Variants in RGS8 observed in about 807,000 individuals in gnomAD.
The protein encoded by RGS8 is regulator of G-protein signaling 8.
In RGS8, 8 loss-of-function variants were observed where a neutral mutation model predicts 21.7. That is an observed-to-expected ratio of 0.37 (90% CI 0.22 to 0.66). The LOEUF (loss-of-function observed/expected upper bound fraction) is 0.66. Ranked by LOEUF, RGS8 falls within the 30% of genes least tolerant of loss-of-function variation. RGS8 has a pLI of 0.59. For synonymous variants in RGS8, 80 were observed against 83.6 expected (o/e 0.96, Z 0.24); for missense variants, 157 against 217.9 (o/e 0.72, Z 1.76).
the RGS8 span, among the ~76,000 whole-genome samples, chr1:182,752,003 G>C: frequency 6.6e-6 from 1 of 152,262 alleles, no homozygotes; most frequent in South Asian, 2.1e-4. Flanking sequence ...CTTACACCCA[G>C]ACAATCCATT....
the RGS8 span, among the ~76,000 whole-genome samples, chr1:182,751,373 T>G: frequency 6.6e-6 from 1 of 152,230 alleles, no homozygotes; most frequent in Admixed American, 6.5e-5. Context: ...TTCATTTATT[T>G]ATCATATATG....
At chr1:182,738,540 T>G in the RGS8 span, among the ~76,000 whole-genome samples, 2 of 152,244 alleles carry the variant, frequency 1.3e-5, no homozygotes, top group African/African-American at 4.8e-5. Flanking sequence ...TTTGGTGTTA[T>G]TTTAAACAAA....
At chr1:182,730,902 T>C in the RGS8 span, among the ~76,000 whole-genome samples, 1 of 152,170 alleles carries the variant, frequency 6.6e-6, no homozygotes, top group African/African-American at 2.4e-5. Context: ...TAACCGGCAC[T>C]GTAAACAATT....
At chr1:182,713,677 A>G in the RGS8 span, among the ~76,000 whole-genome samples, 1 of 152,270 alleles carries the variant, frequency 6.6e-6, no homozygotes, top group South Asian at 2.1e-4. Flanking sequence ...GCCATGCTAT[A>G]GTTGTGAGAT....
upstream of RGS8, among the ~76,000 whole-genome samples, chr1:182,685,549 G>T (rs1011585197): frequency 6.6e-6 from 1 of 152,210 alleles, no homozygotes; most frequent in African/African-American, 2.4e-5. Context: ...GCTGCAGCTG[G>T]GGAACTCTCC....
At chr1:182,678,509 T>C (rs566816410) in intron 1 of RGS8, among the ~76,000 whole-genome samples, 1 of 152,364 alleles carries the variant, frequency 6.6e-6, no homozygotes, top group South Asian at 2.1e-4. Flanking sequence ...AGACATCACC[T>C]ACAGAAACTA....
chr1:182,694,728 A>T, the RGS8 span, among the ~76,000 whole-genome samples: 8 of 151,944 alleles, frequency 5.3e-5, no homozygotes, highest in African/African-American at 1.9e-4. Context: ...GAATCATTTG[A>T]ACCCAGGAGA....
chr1:182,661,974 T>G (rs1571329142), intron 5 of RGS8, among the ~76,000 whole-genome samples: 1 of 152,234 alleles, frequency 6.6e-6, no homozygotes, highest in Non-Finnish European at 1.5e-5. Flanking sequence ...ATCAGCAATT[T>G]CAATTTCCTT....
At chr1:182,721,040 CATAT>C in the RGS8 span, among the ~76,000 whole-genome samples, 3 of 72,850 alleles carry the variant, frequency 4.1e-5, no homozygotes, top group African/African-American at 1.1e-4. Context: ...TGTATATATA[CATAT>C]ACATACATAT....
chr1:182,742,261 A>G, the RGS8 span, among the ~76,000 whole-genome samples: 2 of 142,230 alleles, frequency 1.4e-5, no homozygotes, highest in African/African-American at 2.7e-5. Context: ...CAGACTGGGC[A>G]GCCAGGCAGA....
the RGS8 span, among the ~76,000 whole-genome samples, chr1:182,716,455 T>C: frequency 6.6e-6 from 1 of 151,544 alleles, no homozygotes; most frequent in African/African-American, 2.4e-5. Context: ...TTTTCATTAT[T>C]GTATTGCTAT....
chr1:182,670,754 C>T (rs1302834107), intron 2 of RGS8, among the ~76,000 whole-genome samples: 1 of 152,056 alleles, frequency 6.6e-6, no homozygotes, highest in Non-Finnish European at 1.5e-5. Flanking sequence ...TAAAAGATTG[C>T]TTTGTTAAAA....
chr1:182,691,794 A>G, the RGS8 span, among the ~76,000 whole-genome samples: 1 of 152,048 alleles, frequency 6.6e-6, no homozygotes, highest in East Asian at 1.9e-4. Context: ...CTCCTATCCA[A>G]CATAGTACTA....
chr1:182,732,479 A>G, the RGS8 span, among the ~76,000 whole-genome samples: 1 of 152,216 alleles, frequency 6.6e-6, no homozygotes, highest in African/African-American at 2.4e-5. Context: ...TAGGAGCTTG[A>G]AAAAGACTCA....
chr1:182,706,768 C>A, the RGS8 span, among the ~76,000 whole-genome samples: 1 of 152,142 alleles, frequency 6.6e-6, no homozygotes, highest in Non-Finnish European at 1.5e-5. Context: ...GCCTGGCCAT[C>A]CATGGGCTAA....
chr1:182,729,475 C>T, the RGS8 span, among the ~76,000 whole-genome samples: 1 of 152,194 alleles, frequency 6.6e-6, no homozygotes, highest in African/African-American at 2.4e-5. Flanking sequence ...TTCTCATTTA[C>T]ATTTAGTAAC....
chr1:182,706,626 C>T, the RGS8 span, among the ~76,000 whole-genome samples: 1 of 151,830 alleles, frequency 6.6e-6, no homozygotes, highest in Non-Finnish European at 1.5e-5. Context: ...GCCACCACGC[C>T]TGGCTAATTT....
chr1:182,672,042 G>T, upstream of RGS8: 1 of 533,922 alleles, frequency 1.9e-6, no homozygotes, highest in Non-Finnish European at 2.8e-6. Context: ...CTAACCTGAA[G>T]CTCCTCTGGC....
At chr1:182,752,021 G>C in the RGS8 span, among the ~76,000 whole-genome samples, 1 of 152,150 alleles carries the variant, frequency 6.6e-6, no homozygotes, top group Non-Finnish European at 1.5e-5. Context: ...ATTCACTTCT[G>C]TCACCTATCT....
Sources: allele counts gnomAD v4.1 joint callset (sites outside exome capture counted in the v4.1 genomes callset), GRCh38; gene constraint gnomAD v4.1.1; transcripts MANE v1.5; gene names NCBI Gene and HGNC (gene_info 2026-07-23, HGNC 2026-07-21).